Variants in HDAC9 observed in about 807,000 individuals in gnomAD.
The protein encoded by HDAC9 is MEF-2 interacting transcription repressor (MITR) protein.
In HDAC9, 41 loss-of-function variants were observed where a neutral mutation model predicts 139.4. The ratio of observed to expected loss-of-function variants is 0.29; its 90% CI spans 0.23 to 0.38. HDAC9 has a LOEUF of 0.38. Ranked by LOEUF, HDAC9 falls within the 10% of genes least tolerant of loss-of-function variation. The pLI, the probability that HDAC9 is intolerant of heterozygous loss-of-function variation, is 1.00. For synonymous variants in HDAC9, 517 were observed against 476.2 expected, an observed-to-expected ratio of 1.09 and a Z score of -1.12; for missense variants, 1,147 against 1,297.0, an observed-to-expected ratio of 0.88 and a Z score of 1.78.
chr7:18,498,807 T>A (rs1797627609), intron 2 of HDAC9, among the ~76,000 whole-genome samples: 1 of 152,096 alleles, frequency 6.6e-6, no homozygotes, highest in South Asian at 2.1e-4. Flanking sequence ...GAGGTTCAGA[T>A]GTATCAATAT....
intron 25 of HDAC9, among the ~76,000 whole-genome samples, chr7:18,977,946 AC>A (rs1784654020): frequency 1.3e-5 from 2 of 151,684 alleles, no homozygotes; most frequent in Non-Finnish European, 2.9e-5. Flanking sequence ...ACACACACAC[AC>A]ACACACACAC....
At chr7:18,937,475 A>G (rs1408180718) in intron 23 of HDAC9, among the ~76,000 whole-genome samples, 1 of 152,174 alleles carries the variant, frequency 6.6e-6, no homozygotes, top group African/African-American at 2.4e-5. Context: ...TCTTTCTGTG[A>G]TCCCTGTACA....
chr7:18,562,265 A>G lies in HDAC9; in HGVS notation c.23-23016A>G, dbSNP rs1820855892. Among the ~76,000 whole-genome samples, 9 of 152,244 alleles carry G rather than the reference A, an allele frequency of 5.9e-5. No individual in the cohort carries two copies. In the South Asian group the frequency reaches 1.7e-3, roughly 28 times the overall value. On this transcript the variant is annotated intron_variant, in intron 2 of 25. Coordinates refer to ENST00000686413, the MANE Select transcript of HDAC9 (RefSeq NM_178425.4). ...ATATAGTTTGCAATAATTTTCTTCC[A>G]TTCTGTGGATTGATGGTATTATTTT...
chr7:18,682,607 T>C (rs971848692), intron 12 of HDAC9, among the ~76,000 whole-genome samples: 2 of 152,084 alleles, frequency 1.3e-5, no homozygotes, highest in Non-Finnish European at 2.9e-5. Context: ...GCAGTCCTTT[T>C]TTTTATAAAG....
At chr7:18,537,240 A>C (rs539196651) in intron 2 of HDAC9, among the ~76,000 whole-genome samples, 1 of 152,340 alleles carries the variant, frequency 6.6e-6, no homozygotes, top group South Asian at 2.1e-4. Flanking sequence ...AGAGAGTTGA[A>C]TCTCTCTGCC....
intron 1 of HDAC9, among the ~76,000 whole-genome samples, chr7:18,451,560 G>C (rs115545855): frequency 0.01 from 1,543 of 151,916 alleles, 27 homozygotes; most frequent in African/African-American, 0.035. Context: ...ATACAGTACA[G>C]ATCTGACATG....
At chr7:18,652,328 G>A (rs1302912225) in intron 11 of HDAC9, among the ~76,000 whole-genome samples, 1 of 151,936 alleles carries the variant, frequency 6.6e-6, no homozygotes, top group Non-Finnish European at 1.5e-5. Flanking sequence ...CAAACAAAAA[G>A]TAATAAGGTA....
intron 1 of HDAC9, among the ~76,000 whole-genome samples, chr7:18,421,883 C>G (rs959903017): frequency 6.6e-6 from 1 of 152,150 alleles, no homozygotes; most frequent in Non-Finnish European, 1.5e-5. Context: ...GGAAGCTGAG[C>G]CCTGGACTAA....
intron 2 of HDAC9, among the ~76,000 whole-genome samples, chr7:18,279,720 C>T (rs796941464): frequency 1.2e-4 from 18 of 152,104 alleles, no homozygotes; most frequent in African/African-American, 4.1e-4. Flanking sequence ...CCCCTCGACC[C>T]CCCAAAGTAC....
At chr7:18,257,438 A>ACACACACACACACAC (rs1562802142) in intron 2 of HDAC9, among the ~76,000 whole-genome samples, 141 of 132,564 alleles carry the variant, frequency 1.1e-3, no homozygotes, top group African/African-American at 3.8e-3. Context: ...CACACACACA[A>ACACACACACACACAC]AAAGAAAAAA....
intron 1 of HDAC9, among the ~76,000 whole-genome samples, chr7:18,119,464 A>C (rs1784226480): frequency 6.6e-6 from 1 of 152,192 alleles, no homozygotes; most frequent in African/African-American, 2.4e-5. Context: ...GACCGAAGCT[A>C]CCAGTTTCTT....
chr7:18,927,511 C>T (rs780179255), intron 22 of HDAC9, among the ~76,000 whole-genome samples: 16 of 152,148 alleles, frequency 1.1e-4, no homozygotes, highest in Non-Finnish European at 2.4e-4. Context: ...TATAATTAGA[C>T]TTCCCTGGAT....
intron 17 of HDAC9, chr7:18,807,882 G>A (rs549477686): frequency 6.6e-6 from 1 of 152,262 alleles, no homozygotes; most frequent in South Asian, 2.1e-4. Context: ...TGCACTTGAG[G>A]AGAATGTGTA....
chr7:18,294,328 C>A (rs1798003566), intron 1 of HDAC9, among the ~76,000 whole-genome samples: 1 of 151,994 alleles, frequency 6.6e-6, no homozygotes, highest in African/African-American at 2.4e-5. Context: ...TGTTCTTATT[C>A]CGTGGTTTCT....
At chr7:18,709,114 C>T (rs1372674112) in intron 12 of HDAC9, among the ~76,000 whole-genome samples, 2 of 150,424 alleles carry the variant, frequency 1.3e-5, no homozygotes, top group East Asian at 1.9e-4. Context: ...GCAGAATGTG[C>T]AGGTTTGTTA....
intron 1 of HDAC9, among the ~76,000 whole-genome samples, chr7:18,476,657 A>G (rs1465338989): frequency 6.6e-6 from 1 of 152,184 alleles, no homozygotes; most frequent in East Asian, 1.9e-4. Context: ...AATGATTATC[A>G]TACAGTTAAT....
At chr7:18,087,775 T>C (rs1294472601) in intron 1 of HDAC9, 1 of 152,184 alleles carries the variant, frequency 6.6e-6, no homozygotes, top group African/African-American at 2.4e-5. Flanking sequence ...TTAGATGCCA[T>C]ACGAGGGTGT....
At chr7:18,175,679 T>G (rs1788834351) in intron 2 of HDAC9, among the ~76,000 whole-genome samples, 1 of 152,126 alleles carries the variant, frequency 6.6e-6, no homozygotes, top group African/African-American at 2.4e-5. Context: ...GAAAGACTCA[T>G]GACCATATTA....
intron 2 of HDAC9, among the ~76,000 whole-genome samples, chr7:18,228,027 T>C (rs867777298): frequency 4.6e-5 from 7 of 152,170 alleles, no homozygotes; most frequent in African/African-American, 1.7e-4. Context: ...CCAGAATAAA[T>C]CAAAATAAAT....
Sources: gnomAD v4.1 joint callset for allele counts (sites outside exome capture counted in the v4.1 genomes callset) on GRCh38, gnomAD v4.1.1 for gene constraint, MANE v1.5 for transcripts, NCBI Gene and HGNC (gene_info 2026-07-23, HGNC 2026-07-21) for gene names.